KCNK2: variants seen among roughly 807,000 people sequenced by gnomAD.
KCNK2 encodes potassium two pore domain channel subfamily K member 2, also known as potassium channel subfamily K member 2.
In KCNK2, 21 loss-of-function variants were observed where a neutral mutation model predicts 40.5. The ratio of observed to expected loss-of-function variants is 0.52; its 90% confidence interval spans 0.37 to 0.75. The LOEUF is 0.75. Among genes scored for constraint, KCNK2 ranks in the 30% least tolerant of loss-of-function variants. The probability of loss-of-function intolerance (pLI) is 0.00; values close to 1 mark genes in which losing one functional copy is unlikely to be tolerated. For missense variants in KCNK2, 399 were observed against 531.6 expected (o/e 0.75, Z 2.45); for synonymous variants, 191 against 202.2 (o/e 0.94, Z 0.47).
At chr1:215,230,057 A>G (rs1666562261) in intron 6 of KCNK2, among the ~76,000 whole-genome samples, 1 of 139,522 alleles carries the variant, frequency 7.2e-6, no homozygotes, top group Non-Finnish European at 1.5e-5. Context: ...ATACACACAG[A>G]TATATATATA....
At chr1:215,069,655 C>G (rs926346208) in intron 1 of KCNK2, among the ~76,000 whole-genome samples, 3 of 134,346 alleles carry the variant, frequency 2.2e-5, no homozygotes, top group East Asian at 2.3e-4. Context: ...GTCTCATTAA[C>G]AAGTTGGGGT....
chr1:215,021,166 C>G (rs186545476), intron 1 of KCNK2, among the ~76,000 whole-genome samples: 2 of 152,062 alleles, frequency 1.3e-5, no homozygotes, highest in African/African-American at 2.4e-5. Context: ...TATTAAGTAC[C>G]TGCAATTCTC....
intron 6 of KCNK2, among the ~76,000 whole-genome samples, chr1:215,225,169 T>C (rs1666337510): frequency 6.6e-6 from 1 of 152,232 alleles, no homozygotes; most frequent in Admixed American, 6.5e-5. Flanking sequence ...TCCATTTTTA[T>C]GTACTTTGTA....
chr1:215,158,813 A>G lies in KCNK2; in HGVS notation c.476-10386A>G, dbSNP rs755033054. 5.9e-5 allele frequency among the ~76,000 whole-genome samples: 9 copies of G among 152,310 alleles called. No individual in the cohort carries two copies. The East Asian group carries it at 7.7e-4, about 13-fold the overall frequency. Reference sequence around the variant, plus strand: ...CATAGTTATTGACCTGGAGAAGGCAATAAAGGACAGTGTTGGATCTTAGCA... The same window carrying G: ...CATAGTTATTGACCTGGAGAAGGCAGTAAAGGACAGTGTTGGATCTTAGCA... On this transcript the variant is annotated intron_variant, in intron 3 of 6. Coordinates refer to ENST00000444842, the MANE Select transcript of KCNK2 (RefSeq NM_001017425.3).
intron 6 of KCNK2, among the ~76,000 whole-genome samples, chr1:215,203,310 C>T (rs1571723731): frequency 6.6e-6 from 1 of 152,168 alleles, no homozygotes; most frequent in East Asian, 1.9e-4. Flanking sequence ...TTTACTAGCT[C>T]TGCAAACATC....
chr1:215,169,138 CT>C, intron 3 of KCNK2, 60 bp from the exon 4 acceptor site: 1 of 1,366,696 alleles, frequency 7.3e-7, no homozygotes, highest in Admixed American at 2.4e-5. Flanking sequence ...CTGAATCAAT[CT>C]TGAGTTCATA....
intron 3 of KCNK2, among the ~76,000 whole-genome samples, chr1:215,139,288 A>G (rs1401656323): frequency 2.0e-5 from 3 of 152,192 alleles, no homozygotes; most frequent in African/African-American, 7.2e-5. Flanking sequence ...TAATATAGAT[A>G]CATTCCTTTG....
At chr1:215,219,161 C>G (rs1214572285) in intron 6 of KCNK2, among the ~76,000 whole-genome samples, 1 of 152,152 alleles carries the variant, frequency 6.6e-6, no homozygotes, top group Non-Finnish European at 1.5e-5. Flanking sequence ...TTTGATTTTA[C>G]CAACTAGACA....
At chr1:215,006,997 C>CTATATATATA (rs199497700) in intron 1 of KCNK2, among the ~76,000 whole-genome samples, 197 of 81,634 alleles carry the variant, frequency 2.4e-3, no homozygotes, top group African/African-American at 5.3e-3. Flanking sequence ...GACCAATTCA[C>CTATATATATA]TATATATATA....
intron 1 of KCNK2, among the ~76,000 whole-genome samples, chr1:215,029,417 TTAAG>T (rs901416113): frequency 6.6e-5 from 10 of 151,022 alleles, no homozygotes; most frequent in African/African-American, 2.4e-4. Flanking sequence ...TGGTATTAAT[TTAAG>T]TGTCACTCAT....
At chr1:215,054,766 C>G (rs1658101072) in intron 1 of KCNK2, among the ~76,000 whole-genome samples, 1 of 152,146 alleles carries the variant, frequency 6.6e-6, no homozygotes, top group African/African-American at 2.4e-5. Flanking sequence ...GAATTTTTAG[C>G]CTTTTTCCAC....
intron 3 of KCNK2, among the ~76,000 whole-genome samples, chr1:215,134,903 T>C (rs1661832830): frequency 6.6e-6 from 1 of 151,788 alleles, no homozygotes; most frequent in South Asian, 2.1e-4. Context: ...CCTATATATA[T>C]ATATATTTCT....
chr1:215,210,949 T>A (rs991445178), intron 6 of KCNK2, among the ~76,000 whole-genome samples: 2 of 152,168 alleles, frequency 1.3e-5, no homozygotes, highest in Admixed American at 1.3e-4. Context: ...ACTTGTTTCA[T>A]CATTTTTTCC....
chr1:215,066,340 CATATG>C (rs1352571853), intron 1 of KCNK2, among the ~76,000 whole-genome samples: 1 of 152,048 alleles, frequency 6.6e-6, no homozygotes, highest in African/African-American at 2.4e-5. Flanking sequence ...TTGATAGAAA[CATATG>C]ATATAACTGT....
chr1:215,065,853 A>G (rs947146585), intron 1 of KCNK2, among the ~76,000 whole-genome samples: 6 of 152,202 alleles, frequency 3.9e-5, no homozygotes, highest in African/African-American at 9.6e-5. Context: ...AAAGAAAGCC[A>G]GATGTAATGA....
chr1:215,032,153 A>G (rs1159466577), intron 1 of KCNK2, among the ~76,000 whole-genome samples: 1 of 150,808 alleles, frequency 6.6e-6, no homozygotes, highest in Non-Finnish European at 1.5e-5. Flanking sequence ...CATACCTATA[A>G]TCCCAGCACA....
intron 6 of KCNK2, among the ~76,000 whole-genome samples, chr1:215,196,698 T>TG (rs1318435245): frequency 1.3e-5 from 2 of 151,988 alleles, no homozygotes; most frequent in Admixed American, 6.6e-5. Context: ...GTGGTGTGTG[T>TG]GGGGGCGGTG....
intron 3 of KCNK2, among the ~76,000 whole-genome samples, chr1:215,144,082 T>C (rs1662305667): frequency 6.6e-6 from 1 of 152,226 alleles, no homozygotes; most frequent in African/African-American, 2.4e-5. Context: ...CCTTGTATGA[T>C]ATTTAGGCTA....
intron 5 of KCNK2, among the ~76,000 whole-genome samples, chr1:215,190,671 T>C (rs1353593081): frequency 6.6e-6 from 1 of 152,184 alleles, no homozygotes; most frequent in East Asian, 1.9e-4. Flanking sequence ...ATGAGAGTGA[T>C]GGCAATTGGA....
Sources: gnomAD v4.1 joint callset for allele counts (sites outside exome capture counted in the v4.1 genomes callset) on GRCh38, gnomAD v4.1.1 for gene constraint, MANE v1.5 for transcripts, NCBI Gene and HGNC (gene_info 2026-07-23, HGNC 2026-07-21) for gene names.